SLC35A2: variants seen among roughly 807,000 people sequenced by gnomAD.
SLC35A2 encodes the protein solute carrier family 35 member A2.
In SLC35A2, 1 loss-of-function variant was observed where a neutral mutation model predicts 17.3. The ratio of observed to expected loss-of-function variants is 0.06; its 90% CI spans 0.02 to 0.27. The LOEUF is 0.27. SLC35A2 is among the 10% of genes least tolerant of loss of function. SLC35A2 has a pLI of 1.00. For missense variants in SLC35A2, 191 were observed against 339.3 expected, an observed-to-expected ratio of 0.56 and a Z score of 3.43; for synonymous variants, 161 against 161.3, an observed-to-expected ratio of 1.00 and a Z score of 0.01.
At chrX:48,903,625 A>G in intron 4 of SLC35A2, 160 bp from the exon 5 acceptor site, 1 of 636,581 alleles carries the variant, frequency 1.6e-6, no homozygotes, top group Non-Finnish European at 2.4e-6. Context: ...AATAAATACA[A>G]CATCTTTATT....
intron 1 of SLC35A2, 57 bp from the exon 2 acceptor site, chrX:48,910,053 A>G: frequency 9.6e-7 from 1 of 1,037,464 alleles, no homozygotes; most frequent in South Asian, 2.0e-5. Context: ...GCTGGGGCAT[A>G]GCCACACCAC....
chrX:48,909,535 A>C lies in SLC35A2; in HGVS notation c.274+279T>G, dbSNP rs111718966. On this transcript the variant is annotated intron_variant, in intron 2 of 4. Coordinates refer to ENST00000247138, the MANE Select transcript of SLC35A2 (RefSeq NM_005660.3). ...ATTTGATTATTCTCTCTGATTTTGCATGTATTCGGAATTCTCCATAATATG... is the reference window on the plus strand; with the variant it reads ...ATTTGATTATTCTCTCTGATTTTGCCTGTATTCGGAATTCTCCATAATATG... 6.2e-5 allele frequency among the ~76,000 whole-genome samples: 7 copies of C among 113,142 alleles called. 1 individual carries two copies. Among genetic ancestry groups the C allele is most frequent in the African/African-American group, 2.2e-4 (7 of 31,254 alleles).
chrX:48,911,053 G>A (rs782328043), intron 1 of SLC35A2, among the ~76,000 whole-genome samples: 1 of 110,476 alleles, frequency 9.1e-6, no homozygotes, highest in Non-Finnish European at 1.9e-5. Flanking sequence ...CATTAGGAGG[G>A]AGCCCCCAGA....
chrX:48,907,759 C>T (rs781954479), intron 2 of SLC35A2, among the ~76,000 whole-genome samples: 1 of 112,000 alleles, frequency 8.9e-6, no homozygotes, highest in African/African-American at 3.2e-5. Context: ...CAGTGGCTCA[C>T]GCCTGTAATC....
chrX:48,909,363 G>T (rs1015926150), intron 2 of SLC35A2, among the ~76,000 whole-genome samples: 1 of 112,785 alleles, frequency 8.9e-6, no homozygotes, highest in African/African-American at 3.2e-5. Flanking sequence ...ATATTACTTC[G>T]TGTGGGATTT....
rs1192801457 is a variant in SLC35A2 at position 48,910,373 on chromosome X, G to A, written c.92-377C>T. 61 of 837,089 alleles carry A rather than the reference G, an allele frequency of 7.3e-5. No individual in the cohort carries two copies. The Middle Eastern group carries it at 8.6e-4, about 12-fold the overall frequency. The allele number at this position is 837,089 out of a possible 1,213,427, so 69.0% of individuals were successfully genotyped here. On this transcript the variant is annotated intron_variant, in intron 1 of 4. Transcript: ENST00000247138. ...TCTCCACGTTTATTGAGTGTTTACT[G>A]TATGCCTATCACTGGGTTAAGGGAT...
intron 4 of SLC35A2, chrX:48,903,856 A>G (rs1277232180): frequency 7.5e-6 from 6 of 798,949 alleles, no homozygotes; most frequent in Non-Finnish European, 9.0e-6. Context: ...CATCAATCCC[A>G]AGACACCCCC....
At chrX:48,906,062 G>A (rs1406048445) in intron 3 of SLC35A2, 1 of 401,363 alleles carries the variant, frequency 2.5e-6, no homozygotes, top group Non-Finnish European at 4.3e-6. Flanking sequence ...GCAGAGCTGA[G>A]ATTTGAACCC....
chrX:48,907,756 T>A (rs2063501786), intron 2 of SLC35A2, among the ~76,000 whole-genome samples: 1 of 112,003 alleles, frequency 8.9e-6, no homozygotes, highest in South Asian at 3.7e-4. Flanking sequence ...GCGCAGTGGC[T>A]CACGCCTGTA....
In SLC35A2 at chrX:48,904,901, G is replaced by A; in HGVS notation, c.1008C>T (p.Tyr336=). The A allele has an allele frequency of 8.3e-7, 1 of 1,211,206 alleles. No homozygotes were observed. The highest frequency in any genetic ancestry group is 1.1e-6 in the Non-Finnish European group (1 of 894,887). Residue 336 remains tyrosine (Y), a synonymous_variant, in exon 4 of 5, where the codon TAC becomes TAT. Transcript: ENST00000247138. The stretch of plus-strand genomic sequence containing the variant: ...CTGCACCTCGGGGAAGGCTGTAGAG[G>A]TAGACAGCACCAATGACGAGTCCAG... ...LGAGLVIGAV[Y]LYSLPRGAAK...
chrX:48,908,170 C>T (rs1023684075), intron 2 of SLC35A2, among the ~76,000 whole-genome samples: 15 of 106,700 alleles, frequency 1.4e-4, no homozygotes, highest in Non-Finnish European at 1.6e-4. Flanking sequence ...GGCTGGAGTG[C>T]AGTGGTGTGA....
intron 4 of SLC35A2, 101 bp downstream of exon 4, chrX:48,904,645 G>C (rs1557042553): frequency 8.3e-7 from 1 of 1,208,764 alleles, no homozygotes; most frequent in Non-Finnish European, 1.1e-6. Flanking sequence ...AGGCCCCGGA[G>C]GGTGGCGACT....
chrX:48,906,204 G>A lies in SLC35A2; in HGVS notation c.426+188C>T, dbSNP rs717193. The A allele has an allele frequency of 0.34, 157,400 of 468,401 alleles. 19,383 individuals carry two copies. The highest frequency in any genetic ancestry group is 0.41 in the Admixed American group (11,786 of 28,791). 38.6% of individuals were successfully genotyped at this position (468,401 alleles called of 1,213,427 possible). On this transcript the variant is annotated intron_variant, in intron 3 of 4. Coordinates refer to ENST00000247138, the MANE Select transcript of SLC35A2 (RefSeq NM_005660.3). ...TTCTTTTAAGTATCCTAGCATCTCA[G>A]TGAACAGGCATTACTATTTCCACCC...
chrX:48,905,455 T>C lies in SLC35A2; in HGVS notation c.454A>G (p.Thr152Ala). The C allele has an allele frequency of 8.7e-7, 1 of 1,154,908 alleles. No individual in the cohort carries two copies. The change falls in exon 4 of 5, where the codon ACA (threonine) becomes GCA (alanine). Residue 152 changes from threonine to alanine, a missense_variant. Physicochemically the swap from Thr to Ala is moderately conservative, Grantham distance 58 (BLOSUM62 0). This residue lies in a region of SLC35A2 where 164 missense variants were observed against 315.3 expected (regional missense o/e 0.52). Transcript: ENST00000247138. ...AGCATGAGCACGGAGAACAGCGCTG[T>C]GGTCAGGATCTTCAGCTGGTATGTC... ...QVTYQLKILT[T>A]ALFSVLMLNR...
chrX:48,904,393 C>G, intron 4 of SLC35A2: 1 of 1,082,479 alleles, frequency 9.2e-7, no homozygotes, highest in Non-Finnish European at 1.2e-6. Context: ...GACGAGAAAC[C>G]TCCAGAAGAG....
intron 3 of SLC35A2, 68 bp downstream of exon 3, chrX:48,906,324 C>T (rs1179638943): frequency 4.8e-6 from 5 of 1,032,438 alleles, no homozygotes; most frequent in East Asian, 3.2e-5. Context: ...CCCCCCACCA[C>T]GCTATTCCCA....
chrX:48,910,182 A>G, intron 1 of SLC35A2, 186 bp from the exon 2 acceptor site: 7 of 972,698 alleles, frequency 7.2e-6, no homozygotes, highest in Non-Finnish European at 9.9e-6. Flanking sequence ...CTCAGCCATG[A>G]GCAGGAAGAG....
chrX:48,908,115 T>TGGCGG (rs782430833), intron 2 of SLC35A2, among the ~76,000 whole-genome samples: 111 of 27,955 alleles, frequency 4.0e-3, no homozygotes, highest in African/African-American at 6.2e-3. Flanking sequence ...TCTTTTTTTT[T>TGGCGG]GGCGGGGCGG....
chrX:48,904,371 G>A (rs1458751585), intron 4 of SLC35A2: 1 of 1,071,655 alleles, frequency 9.3e-7, no homozygotes, highest in Admixed American at 4.2e-5. Context: ...ACTGCTGGGA[G>A]GGACTCTCCC....
Sources: allele counts gnomAD v4.1 joint callset (sites outside exome capture counted in the v4.1 genomes callset), GRCh38; gene constraint gnomAD v4.1.1; regional missense constraint gnomAD v4.1.1; transcripts MANE v1.5; gene names NCBI Gene and HGNC (gene_info 2026-07-23, HGNC 2026-07-21).